The following CADPS2 variants were observed in gnomAD, a reference collection of about 807,000 sequenced individuals.
CADPS2 encodes calcium-dependent secretion activator 2.
In CADPS2, 93 loss-of-function variants were observed where a neutral mutation model predicts 172.5. That is an observed-to-expected ratio of 0.54 (90% CI 0.46 to 0.64). CADPS2 has a LOEUF of 0.64. CADPS2 is among the 30% of genes least tolerant of loss of function. The probability of loss-of-function intolerance (pLI) is 0.00; values close to 1 mark genes in which losing one functional copy is unlikely to be tolerated. For missense variants in CADPS2, 1,420 were observed against 1,565.9 expected, an observed-to-expected ratio of 0.91 and a Z score of 1.57; for synonymous variants, 546 against 555.2, an observed-to-expected ratio of 0.98 and a Z score of 0.23.
At chr7:122,855,563 AG>A (rs1276655039) in intron 1 of CADPS2, among the ~76,000 whole-genome samples, 5 of 152,294 alleles carry the variant, frequency 3.3e-5, no homozygotes, top group African/African-American at 1.2e-4. Context: ...TGTGGCTGGT[AG>A]GGGCAAAGTA....
chr7:122,571,851 T>C (rs1458531620), intron 7 of CADPS2, among the ~76,000 whole-genome samples: 1 of 152,186 alleles, frequency 6.6e-6, no homozygotes, highest in Non-Finnish European at 1.5e-5. Flanking sequence ...TAAGTAGTTA[T>C]CATGGAACTT....
chr7:122,743,575 G>A (rs1049828176), intron 1 of CADPS2, among the ~76,000 whole-genome samples: 1 of 152,080 alleles, frequency 6.6e-6, no homozygotes, highest in Non-Finnish European at 1.5e-5. Context: ...AAAACTTGTG[G>A]GTCCCTCCAG....
chr7:122,400,321 C>A (rs1356315907), intron 20 of CADPS2, among the ~76,000 whole-genome samples: 1 of 151,858 alleles, frequency 6.6e-6, no homozygotes, highest in Admixed American at 6.6e-5. Context: ...CCTGTAATCC[C>A]AGCTACTTGG....
chr7:122,846,866 CAA>C (rs1445055789), intron 1 of CADPS2, among the ~76,000 whole-genome samples: 4 of 152,176 alleles, frequency 2.6e-5, no homozygotes, highest in Admixed American at 6.5e-5. Flanking sequence ...AAATCTCTAC[CAA>C]AAGTTTCTTA....
chr7:122,544,452 T>C (rs1306527687), intron 8 of CADPS2, among the ~76,000 whole-genome samples: 2 of 152,190 alleles, frequency 1.3e-5, no homozygotes, highest in African/African-American at 4.8e-5. Context: ...CGATTTATTA[T>C]TTCTTATGAG....
intron 17 of CADPS2, among the ~76,000 whole-genome samples, chr7:122,434,584 C>T (rs191862508): frequency 6.6e-6 from 1 of 152,236 alleles, no homozygotes; most frequent in African/African-American, 2.4e-5. Context: ...GGGAATACAA[C>T]AGTGAACAAG....
chr7:122,418,627 A>G (rs2151785421), intron 17 of CADPS2, among the ~76,000 whole-genome samples: 1 of 152,312 alleles, frequency 6.6e-6, no homozygotes, highest in African/African-American at 2.4e-5. Context: ...GAAAGATGAT[A>G]GTAGGAATAG....
chr7:122,747,139 T>C (rs975065636), intron 1 of CADPS2, among the ~76,000 whole-genome samples: 6 of 151,084 alleles, frequency 4.0e-5, no homozygotes, highest in Non-Finnish European at 8.9e-5. Flanking sequence ...AGGCAGAGAG[T>C]TGAAGAGAAA....
intron 1 of CADPS2, among the ~76,000 whole-genome samples, chr7:122,773,337 A>T (rs1157103578): frequency 6.6e-6 from 1 of 152,136 alleles, no homozygotes; most frequent in African/African-American, 2.4e-5. Context: ...CTCCTTTTCT[A>T]TAATAAATCA....
intron 3 of CADPS2, among the ~76,000 whole-genome samples, chr7:122,648,034 A>G (rs2078747997): frequency 6.6e-6 from 1 of 152,148 alleles, no homozygotes; most frequent in African/African-American, 2.4e-5. Flanking sequence ...CCCTTATCAA[A>G]GTCAATAGTG....
chr7:122,699,971 A>T (rs2085766026), intron 2 of CADPS2, among the ~76,000 whole-genome samples: 1 of 152,198 alleles, frequency 6.6e-6, no homozygotes, highest in African/African-American at 2.4e-5. Flanking sequence ...TGCAGAACTT[A>T]ACAAATATCC....
At chr7:122,673,799 C>T (rs1200192477) in intron 2 of CADPS2, among the ~76,000 whole-genome samples, 2 of 152,290 alleles carry the variant, frequency 1.3e-5, no homozygotes, top group African/African-American at 2.4e-5. Flanking sequence ...CCACCAGTCC[C>T]GCACCGTGCA....
chr7:122,372,318 G>T (rs2041863371), intron 25 of CADPS2, among the ~76,000 whole-genome samples: 1 of 152,164 alleles, frequency 6.6e-6, no homozygotes, highest in Non-Finnish European at 1.5e-5. Context: ...TGTAGAAAAA[G>T]TTCAATAGAG....
intron 9 of CADPS2, among the ~76,000 whole-genome samples, chr7:122,496,173 A>G (rs1032976487): frequency 2.0e-5 from 3 of 151,656 alleles, no homozygotes; most frequent in African/African-American, 7.3e-5. Flanking sequence ...TTATTTATTT[A>G]TTTATTGAGA....
intron 17 of CADPS2, among the ~76,000 whole-genome samples, chr7:122,417,078 T>A (rs1423397310): frequency 6.6e-6 from 1 of 152,120 alleles, no homozygotes; most frequent in Non-Finnish European, 1.5e-5. Context: ...CTGGGGAACT[T>A]AAAGGGCATT....
In CADPS2 at chr7:122,705,929, A is replaced by T. The variant is rs1375039308; in HGVS notation, c.453+31026T>A. Among the ~76,000 whole-genome samples, 4 of 10,804 alleles carry T rather than the reference A, an allele frequency of 3.7e-4. 1 individual carries two copies. Among genetic ancestry groups the T allele is most frequent in the African/African-American group, 1.5e-3 (4 of 2,652 alleles). 7.1% of individuals were successfully genotyped at this position (10,804 alleles called of 152,430 possible). A position where few individuals can be genotyped will look rare whatever the true frequency, so the allele number is the denominator to read the frequency against. On this transcript the variant is annotated intron_variant, in intron 2 of 29. Transcript: ENST00000449022. ...TAATATATTATATAATATAATATAT[A>T]ATATATTATATAATATAATATATAA...
At chr7:122,485,117 C>T (rs1319063120) in intron 11 of CADPS2, among the ~76,000 whole-genome samples, 1 of 152,112 alleles carries the variant, frequency 6.6e-6, no homozygotes, top group Non-Finnish European at 1.5e-5. Context: ...TTTTCTTGGG[C>T]CTCCCTATTT....
chr7:122,364,447 C>T (rs1344349777), intron 25 of CADPS2, among the ~76,000 whole-genome samples: 1 of 144,120 alleles, frequency 6.9e-6, no homozygotes. Flanking sequence ...AAGAACTTGG[C>T]CAGGTGCCGT....
intron 7 of CADPS2, among the ~76,000 whole-genome samples, chr7:122,560,093 T>C (rs987221095): frequency 1.3e-5 from 2 of 152,010 alleles, no homozygotes; most frequent in African/African-American, 4.8e-5. Flanking sequence ...CAGATAGCAA[T>C]GGTGTGAGGG....
Sources: allele counts gnomAD v4.1 joint callset (sites outside exome capture counted in the v4.1 genomes callset), GRCh38; gene constraint gnomAD v4.1.1; transcripts MANE v1.5; gene names NCBI Gene and HGNC (gene_info 2026-07-23, HGNC 2026-07-21).